The following PARD3B variants were observed in gnomAD, a reference collection of about 807,000 sequenced individuals.
PARD3B encodes partitioning defective 3 homolog B.
A neutral mutation model predicts 130.2 loss-of-function variants in PARD3B; 103 were observed. The observed-to-expected ratio is 0.79, with a 90% confidence interval of 0.67 to 0.93. The LOEUF is 0.93. Among genes scored for constraint, PARD3B ranks in the 40% least tolerant of loss-of-function variants. The pLI is 0.00. For synonymous variants in PARD3B, 583 were observed against 553.2 expected (o/e 1.05, Z -0.76); for missense variants, 1,609 against 1,499.2 (o/e 1.07, Z -1.21).
At chr2:205,099,552 T>C (rs1040832149) in intron 4 of PARD3B, among the ~76,000 whole-genome samples, 3 of 152,188 alleles carry the variant, frequency 2.0e-5, no homozygotes, top group African/African-American at 7.2e-5. Context: ...AAAGCTTAAG[T>C]ATTCTTAACT....
intron 22 of PARD3B, among the ~76,000 whole-genome samples, chr2:205,559,303 C>A (rs1165331400): frequency 6.6e-6 from 1 of 152,118 alleles, no homozygotes; most frequent in Non-Finnish European, 1.5e-5. Flanking sequence ...CACCACGATG[C>A]CCAGCTAAAT....
At chr2:205,582,658 GA>G (rs1180583915) in intron 22 of PARD3B, among the ~76,000 whole-genome samples, 2 of 151,146 alleles carry the variant, frequency 1.3e-5, no homozygotes, top group Non-Finnish European at 2.9e-5. Flanking sequence ...GAGCAACAAG[GA>G]AGGTTATTGT....
chr2:204,866,956 C>A (rs1429647987), intron 2 of PARD3B, among the ~76,000 whole-genome samples: 1 of 152,114 alleles, frequency 6.6e-6, no homozygotes, highest in Non-Finnish European at 1.5e-5. Context: ...GTAATCCCAA[C>A]TACTCAGGAG....
chr2:205,480,106 T>C lies in PARD3B; in HGVS notation c.3045-19790T>C, dbSNP rs562982127. Among the ~76,000 whole-genome samples the C allele has an allele frequency of 4.6e-5, 7 of 152,198 alleles. No homozygotes were observed. The South Asian group carries it at 8.3e-4, about 18-fold the overall frequency. Reference sequence around the variant, plus strand: ...TTTTAGTAGAGATGGGGTTTCACCATGTTGACCAGGTTTTTCATGAACTCC... The same window carrying C: ...TTTTAGTAGAGATGGGGTTTCACCACGTTGACCAGGTTTTTCATGAACTCC... On this transcript the variant is annotated intron_variant, in intron 20 of 22. Coordinates refer to ENST00000406610, the MANE Select transcript of PARD3B (RefSeq NM_001302769.2).
At chr2:204,666,731 C>G (rs2036041633) in intron 1 of PARD3B, among the ~76,000 whole-genome samples, 1 of 152,072 alleles carries the variant, frequency 6.6e-6, no homozygotes. Flanking sequence ...AAAAAAACAC[C>G]TAAGGTGTAG....
At chr2:204,682,643 C>G (rs2036889833) in intron 1 of PARD3B, among the ~76,000 whole-genome samples, 1 of 152,144 alleles carries the variant, frequency 6.6e-6, no homozygotes, top group African/African-American at 2.4e-5. Flanking sequence ...TCATGTAGCC[C>G]CTCTCCAAAA....
At chr2:205,606,832 C>T (rs143074825) in intron 22 of PARD3B, among the ~76,000 whole-genome samples, 9 of 152,234 alleles carry the variant, frequency 5.9e-5, no homozygotes, top group East Asian at 5.8e-4. Context: ...GCAGGTAACA[C>T]GTCTTACAAA....
intron 2 of PARD3B, among the ~76,000 whole-genome samples, chr2:204,710,881 C>G (rs1341145011): frequency 1.3e-5 from 2 of 152,172 alleles, no homozygotes; most frequent in East Asian, 3.8e-4. Flanking sequence ...AGCAGTCCTT[C>G]AAGCTCTGAA....
intron 5 of PARD3B, among the ~76,000 whole-genome samples, chr2:205,106,477 ATGTATG>A (rs1377119026): frequency 7.4e-4 from 98 of 132,002 alleles, no homozygotes; most frequent in Admixed American, 1.5e-3. Context: ...TAGTTAAGAA[ATGTATG>A]TGTGTGTGTG....
At position 205,619,293 on chromosome 2, in the gene PARD3B, C is replaced by G. The variant is rs1482392934; in HGVS notation, c.*3480C>G. 6.6e-6 allele frequency: 1 copy of G among 152,174 alleles called. No homozygotes were observed. The highest frequency in any genetic ancestry group is 1.9e-4 in the East Asian group (1 of 5,202). The allele number at this position is 152,174 out of a possible 1,614,324, so 9.4% of individuals were successfully genotyped here. A position where few individuals can be genotyped will look rare whatever the true frequency, so the allele number is the denominator to read the frequency against. ...GTAATTATTTCCCCAAACCTGTAAC[C>G]ACTGCATTCGTTTTCTTTGGAGGAA... On this transcript the variant is annotated 3_prime_UTR_variant, in exon 23 of 23. Transcript: ENST00000406610.
intron 4 of PARD3B, among the ~76,000 whole-genome samples, chr2:205,059,629 C>T (rs983726887): frequency 1.3e-5 from 2 of 152,006 alleles, no homozygotes; most frequent in Non-Finnish European, 2.9e-5. Context: ...GCATATGTCT[C>T]CTTTATGAAT....
At chr2:204,696,335 C>T (rs1170710188) in intron 2 of PARD3B, among the ~76,000 whole-genome samples, 1 of 151,974 alleles carries the variant, frequency 6.6e-6, no homozygotes, top group Non-Finnish European at 1.5e-5. Flanking sequence ...ACCACTGAAC[C>T]TTAAACAAGC....
rs960691683 is a variant in PARD3B, at chr2:205,116,721, C to G, written c.681-2200C>G. ...AAATCAAACTGGAGGGAATCTATCC[C>G]TTCCACGGAGCAGAGAGGGCAGAAG... On this transcript the variant is annotated intron_variant, in intron 6 of 22. Coordinates refer to ENST00000406610, the MANE Select transcript of PARD3B (RefSeq NM_001302769.2). The surrounding 1 kb of genome is among the most constrained non-coding windows in gnomAD (Gnocchi z 4.5). Among the ~76,000 whole-genome samples, 5 of 152,118 alleles carry G rather than the reference C, an allele frequency of 3.3e-5. No individual in the cohort carries two copies. Among genetic ancestry groups the G allele is most frequent in the African/African-American group, 1.2e-4 (5 of 41,416 alleles).
At chr2:205,331,115 A>G (rs1004886449) in intron 18 of PARD3B, among the ~76,000 whole-genome samples, 1 of 152,208 alleles carries the variant, frequency 6.6e-6, no homozygotes, top group Non-Finnish European at 1.5e-5. Context: ...ACATAAACAT[A>G]TACATGTGAC....
rs1216703320 is a variant in PARD3B at position 205,321,453 on chromosome 2, T to C, written c.2630+19752T>C. ...AATTAGCTGTAGCATTCTCTCTCTC[T>C]TTCTCTCTCTTCCTCTCTCTCTTTC... On this transcript the variant is annotated intron_variant, in intron 18 of 22. Transcript: ENST00000406610. This position sits in a 1 kb window ranked among gnomAD's most constrained non-coding sequence, Gnocchi z 4.2. Among the ~76,000 whole-genome samples, 3 of 151,888 alleles carry C rather than the reference T, an allele frequency of 2.0e-5. No homozygotes were observed. The highest frequency in any genetic ancestry group is 4.4e-5 in the Non-Finnish European group (3 of 67,990).
chr2:204,581,869 C>T (rs2032575112), intron 1 of PARD3B, among the ~76,000 whole-genome samples: 1 of 152,196 alleles, frequency 6.6e-6, no homozygotes, highest in Non-Finnish European at 1.5e-5. Flanking sequence ...CACCCAAGTT[C>T]CAGTCCTACT....
At chr2:204,950,999 C>T (rs965957377) in intron 2 of PARD3B, among the ~76,000 whole-genome samples, 5 of 152,148 alleles carry the variant, frequency 3.3e-5, no homozygotes, top group Admixed American at 1.3e-4. Flanking sequence ...TTTATATCCT[C>T]TAGCCAGCCT....
intron 2 of PARD3B, among the ~76,000 whole-genome samples, chr2:204,879,662 A>G (rs913758861): frequency 6.6e-6 from 1 of 152,180 alleles, no homozygotes; most frequent in African/African-American, 2.4e-5. Flanking sequence ...ATTCTGAAAT[A>G]ACTCCTGATT....
intron 19 of PARD3B, among the ~76,000 whole-genome samples, chr2:205,403,587 C>G (rs1574934412): frequency 6.6e-6 from 1 of 151,954 alleles, no homozygotes. Flanking sequence ...CAGGGACCAA[C>G]TACATCAGAA....
Sources: gnomAD v4.1 joint callset for allele counts (sites outside exome capture counted in the v4.1 genomes callset) on GRCh38, gnomAD v4.1.1 for gene constraint, Gnocchi (gnomAD v3.1) non-coding constraint, MANE v1.5 for transcripts, NCBI Gene and HGNC (gene_info 2026-07-23, HGNC 2026-07-21) for gene names.